Variants in FSTL4 observed in about 807,000 individuals in gnomAD.
The protein encoded by FSTL4 is follistatin like 4.
Under a neutral mutation model 78.2 loss-of-function variants are expected in FSTL4, and 28 were observed. The observed-to-expected ratio is 0.36, with a 90% CI of 0.27 to 0.49. FSTL4 has a LOEUF of 0.49. FSTL4 is among the 20% of genes least tolerant of loss of function. The pLI, the probability that FSTL4 is intolerant of heterozygous loss-of-function variation, is 0.98. For synonymous variants in FSTL4, 422 were observed against 440.5 expected (o/e 0.96, Z 0.53); for missense variants, 922 against 1,084.9 (o/e 0.85, Z 2.11).
intron 3 of FSTL4, among the ~76,000 whole-genome samples, chr5:133,505,312 TTG>T (rs1758591578): frequency 6.6e-6 from 1 of 152,206 alleles, no homozygotes. Flanking sequence ...AGAACAGGCA[TTG>T]TGTCTGAGGT....
the FSTL4 span, among the ~76,000 whole-genome samples, chr5:133,663,183 T>C: frequency 1.3e-5 from 2 of 152,194 alleles, no homozygotes; most frequent in Non-Finnish European, 2.9e-5. Flanking sequence ...TCTACACATG[T>C]AGTAAAGTAT....
the FSTL4 span, among the ~76,000 whole-genome samples, chr5:133,661,117 A>G: frequency 1.3e-5 from 2 of 152,096 alleles, no homozygotes; most frequent in South Asian, 2.1e-4. Context: ...CAGCCTCCCA[A>G]GTAGCTGGGA....
chr5:133,795,680 T>A, the FSTL4 span, among the ~76,000 whole-genome samples: 3 of 152,218 alleles, frequency 2.0e-5, no homozygotes, highest in Non-Finnish European at 4.4e-5. Flanking sequence ...CTTAGAAGAC[T>A]CTACCGCCAT....
intron 2 of FSTL4, among the ~76,000 whole-genome samples, chr5:133,600,238 A>AT (rs1316658950): frequency 6.6e-6 from 1 of 152,174 alleles, no homozygotes; most frequent in African/African-American, 2.4e-5. Context: ...GTGTTAGATG[A>AT]TTTTGCCCTA....
At chr5:133,783,901 C>A in the FSTL4 span, among the ~76,000 whole-genome samples, 13 of 144,716 alleles carry the variant, frequency 9.0e-5, no homozygotes, top group African/African-American at 3.3e-4. Flanking sequence ...TAAGCAGAGT[C>A]TGCGAGAACA....
chr5:133,731,261 G>A, the FSTL4 span, among the ~76,000 whole-genome samples: 23 of 152,156 alleles, frequency 1.5e-4, no homozygotes, highest in Middle Eastern at 3.4e-3. Context: ...GACAGGACTC[G>A]ACTGGACGAG....
chr5:133,410,428 C>T (rs759773354), intron 3 of FSTL4, among the ~76,000 whole-genome samples: 1 of 152,176 alleles, frequency 6.6e-6, no homozygotes, highest in Non-Finnish European at 1.5e-5. Context: ...CTCGCTGATG[C>T]GCCACTACGT....
chr5:133,729,370 T>C, the FSTL4 span, among the ~76,000 whole-genome samples: 5 of 152,196 alleles, frequency 3.3e-5, no homozygotes, highest in African/African-American at 1.2e-4. Context: ...ACTTAAACTT[T>C]ATACGTCTCT....
chr5:133,781,453 G>A, the FSTL4 span, among the ~76,000 whole-genome samples: 3 of 151,828 alleles, frequency 2.0e-5, no homozygotes, highest in African/African-American at 7.3e-5. Context: ...GTCTTAGAAG[G>A]GGTAGGAAGG....
chr5:133,366,143 C>T (rs896634247), intron 4 of FSTL4, among the ~76,000 whole-genome samples: 3 of 152,236 alleles, frequency 2.0e-5, no homozygotes, highest in Non-Finnish European at 4.4e-5. Flanking sequence ...CCACCTTGAA[C>T]GTGTCAAGCT....
At chr5:133,300,512 T>C (rs1054896900) in intron 6 of FSTL4, among the ~76,000 whole-genome samples, 2 of 152,180 alleles carry the variant, frequency 1.3e-5, no homozygotes, top group African/African-American at 4.8e-5. Flanking sequence ...CCTGGTACAG[T>C]TGGCCTGGAC....
the FSTL4 span, among the ~76,000 whole-genome samples, chr5:133,718,862 A>C: frequency 3.3e-5 from 5 of 152,234 alleles, no homozygotes; most frequent in Non-Finnish European, 5.9e-5. Flanking sequence ...TGTACATACC[A>C]ATAAGCTATT....
At chr5:133,480,749 C>T (rs888289719) in intron 3 of FSTL4, among the ~76,000 whole-genome samples, 40 of 152,236 alleles carry the variant, frequency 2.6e-4, no homozygotes, top group African/African-American at 7.0e-4. Flanking sequence ...ACCTCTGCTC[C>T]GGATGCTGCC....
chr5:133,637,679 C>T, the FSTL4 span, among the ~76,000 whole-genome samples: 1 of 151,964 alleles, frequency 6.6e-6, no homozygotes, highest in East Asian at 1.9e-4. Context: ...TGCTCTGGGT[C>T]CTAGTCCTTG....
chr5:133,665,760 A>C, the FSTL4 span, among the ~76,000 whole-genome samples: 1 of 152,232 alleles, frequency 6.6e-6, no homozygotes, highest in Non-Finnish European at 1.5e-5. Flanking sequence ...GGTACATAAC[A>C]GAGGGGGCTG....
chr5:133,807,832 G>A, the FSTL4 span, among the ~76,000 whole-genome samples: 1 of 152,188 alleles, frequency 6.6e-6, no homozygotes. Flanking sequence ...TCTTGTCCCT[G>A]ATGGTAGAGA....
chr5:133,689,595 C>G, the FSTL4 span, among the ~76,000 whole-genome samples: 1 of 152,222 alleles, frequency 6.6e-6, no homozygotes, highest in African/African-American at 2.4e-5. Flanking sequence ...CTCTGAGCCA[C>G]TCAAGGAACC....
At chr5:133,478,105 C>A (rs1248940844) in intron 3 of FSTL4, among the ~76,000 whole-genome samples, 1 of 152,108 alleles carries the variant, frequency 6.6e-6, no homozygotes, top group Non-Finnish European at 1.5e-5. Flanking sequence ...ACTGAAGGTC[C>A]CCATTGAACC....
At chr5:133,708,060 C>T in the FSTL4 span, among the ~76,000 whole-genome samples, 1 of 141,386 alleles carries the variant, frequency 7.1e-6, no homozygotes, top group African/African-American at 2.7e-5. Flanking sequence ...CAGTAACTAG[C>T]TGTGGGGTAG....
Sources: gnomAD v4.1 joint callset for allele counts (sites outside exome capture counted in the v4.1 genomes callset) on GRCh38, gnomAD v4.1.1 for gene constraint, MANE v1.5 for transcripts, NCBI Gene and HGNC (gene_info 2026-07-23, HGNC 2026-07-21) for gene names.